CUX1: variants seen among roughly 807,000 people sequenced by gnomAD.
CUX1 encodes the protein protein CASP.
CUX1 carries 31 observed loss-of-function variants against 158.8 expected under a neutral mutation model. The ratio of observed to expected loss-of-function variants is 0.20; its 90% CI spans 0.15 to 0.26. The LOEUF is 0.26. Among genes scored for constraint, CUX1 ranks in the 10% least tolerant of loss-of-function variants. The pLI, the probability that CUX1 is intolerant of heterozygous loss-of-function variation, is 1.00. For missense variants in CUX1, 1,589 were observed against 2,014.6 expected, an observed-to-expected ratio of 0.79 and a Z score of 4.04; for synonymous variants, 879 against 862.1, an observed-to-expected ratio of 1.02 and a Z score of -0.34.
At chr7:101,863,511 C>T (rs1797672729) in intron 1 of CUX1, among the ~76,000 whole-genome samples, 1 of 152,082 alleles carries the variant, frequency 6.6e-6, no homozygotes, top group Non-Finnish European at 1.5e-5. Flanking sequence ...CCACCATACC[C>T]AGCTAATTTT....
intron 1 of CUX1, among the ~76,000 whole-genome samples, chr7:101,825,279 C>A (rs1234719445): frequency 6.6e-6 from 1 of 152,322 alleles, no homozygotes; most frequent in African/African-American, 2.4e-5. Flanking sequence ...GTGTTTAAAC[C>A]AGCATAGAAA....
At chr7:102,056,484 C>A (rs10252737) in intron 3 of CUX1, among the ~76,000 whole-genome samples, 22,218 of 152,196 alleles carry the variant, frequency 0.15, 1,702 homozygotes, top group Middle Eastern at 0.22. Context: ...GAAATGGAAT[C>A]ATAAAGCCTA....
intron 8 of CUX1, among the ~76,000 whole-genome samples, chr7:102,150,305 G>A (rs957937081): frequency 2.0e-5 from 3 of 152,062 alleles, no homozygotes; most frequent in South Asian, 4.2e-4. Flanking sequence ...ACAGGCGCTC[G>A]CCACCATGCC....
At chr7:102,112,792 A>G (rs963522168) in intron 7 of CUX1, among the ~76,000 whole-genome samples, 1 of 152,012 alleles carries the variant, frequency 6.6e-6, no homozygotes, top group Non-Finnish European at 1.5e-5. Flanking sequence ...TCCGGTCTGT[A>G]TCTCCTGAGC....
chr7:102,215,770 G>A (rs407943), intron 20 of CUX1, among the ~76,000 whole-genome samples: 75,053 of 152,014 alleles, frequency 0.49, 20,347 homozygotes, highest in East Asian at 0.92. Context: ...CCACACCGGC[G>A]TGTTCCACGG....
chr7:102,223,493 C>T (rs781956556), intron 20 of CUX1, among the ~76,000 whole-genome samples: 13 of 151,888 alleles, frequency 8.6e-5, no homozygotes, highest in Non-Finnish European at 1.8e-4. Flanking sequence ...CTCTGTGCAG[C>T]GGGGAGAGTT....
chr7:102,226,336 T>C (rs1219006963), intron 20 of CUX1, among the ~76,000 whole-genome samples: 1 of 152,198 alleles, frequency 6.6e-6, no homozygotes, highest in East Asian at 1.9e-4. Context: ...GGTAGAACTC[T>C]AAAATGGAAG....
chr7:101,841,617 G>T (rs1040664167), intron 1 of CUX1, among the ~76,000 whole-genome samples: 1 of 151,944 alleles, frequency 6.6e-6, no homozygotes, highest in Admixed American at 6.6e-5. Context: ...GAAGGCAGTG[G>T]TGTGATCTTG....
intron 6 of CUX1, among the ~76,000 whole-genome samples, chr7:102,109,083 A>G (rs1379782084): frequency 2.0e-5 from 3 of 152,204 alleles, no homozygotes; most frequent in East Asian, 3.8e-4. Context: ...TTTAAATATT[A>G]TAATTTTTTG....
intron 8 of CUX1, among the ~76,000 whole-genome samples, chr7:102,129,986 G>T (rs1399027184): frequency 6.6e-6 from 1 of 152,154 alleles, no homozygotes; most frequent in East Asian, 1.9e-4. Flanking sequence ...CCACCTCAAA[G>T]AATGAAAAGT....
At chr7:101,855,085 T>C (rs1796634150) in intron 1 of CUX1, among the ~76,000 whole-genome samples, 1 of 152,268 alleles carries the variant, frequency 6.6e-6, no homozygotes, top group African/African-American at 2.4e-5. Flanking sequence ...CCCTCTTCTC[T>C]GTTAATGCAT....
At chr7:101,873,662 C>T in intron 1 of CUX1, among the ~76,000 whole-genome samples, 1 of 152,148 alleles carries the variant, frequency 6.6e-6, no homozygotes, top group East Asian at 1.9e-4. Flanking sequence ...TGGCTCACTG[C>T]AACCTCCACT....
At chr7:102,064,022 C>T (rs540549536) in intron 3 of CUX1, among the ~76,000 whole-genome samples, 3 of 152,128 alleles carry the variant, frequency 2.0e-5, no homozygotes, top group Admixed American at 6.5e-5. Flanking sequence ...GCCTTCCAGG[C>T]GGAGGGGAAA....
chr7:101,976,545 G>T (rs889762673), intron 2 of CUX1, among the ~76,000 whole-genome samples: 2 of 152,136 alleles, frequency 1.3e-5, no homozygotes, highest in African/African-American at 4.8e-5. Flanking sequence ...GCAGCCTGAG[G>T]GCTTTCCAGA....
intron 3 of CUX1, among the ~76,000 whole-genome samples, chr7:102,057,239 G>T (rs1824274994): frequency 6.6e-6 from 1 of 152,192 alleles, no homozygotes; most frequent in South Asian, 2.1e-4. Context: ...CATTGACAGT[G>T]CACCTGGTCA....
intron 8 of CUX1, chr7:102,154,019 C>A (rs569197735): frequency 6.6e-6 from 1 of 152,334 alleles, no homozygotes; most frequent in East Asian, 1.9e-4. Context: ...GGATACATTG[C>A]CAGCTGGGTC....
At chr7:101,838,097 A>G (rs1448490216) in intron 1 of CUX1, among the ~76,000 whole-genome samples, 1 of 151,342 alleles carries the variant, frequency 6.6e-6, no homozygotes. Context: ...CTGTGCCCTA[A>G]ATCTTTTTCT....
At chr7:101,821,493 C>T (rs1271514883) in intron 1 of CUX1, among the ~76,000 whole-genome samples, 2 of 151,538 alleles carry the variant, frequency 1.3e-5, no homozygotes, top group Non-Finnish European at 2.9e-5. Flanking sequence ...CGCTGGCCAC[C>T]AGGCCTGGCT....
intron 1 of CUX1, among the ~76,000 whole-genome samples, chr7:101,854,031 T>C (rs990108239): frequency 4.6e-5 from 7 of 152,314 alleles, no homozygotes; most frequent in East Asian, 3.9e-4. Flanking sequence ...GGCTTTCCAG[T>C]GCTTTCCAGC....
Sources: allele counts gnomAD v4.1 joint callset (sites outside exome capture counted in the v4.1 genomes callset), GRCh38; gene constraint gnomAD v4.1.1; transcripts MANE v1.5; gene names NCBI Gene and HGNC (gene_info 2026-07-23, HGNC 2026-07-21).